The following PLEKHA6 variants were observed in gnomAD, a reference collection of about 807,000 sequenced individuals.
The protein encoded by PLEKHA6 is pleckstrin homology domain-containing family A member 6.
Under a neutral mutation model 116.7 loss-of-function variants are expected in PLEKHA6, and 60 were observed. The ratio of observed to expected loss-of-function variants is 0.51; its 90% confidence interval spans 0.42 to 0.64. The LOEUF is 0.64. Ranked by LOEUF, PLEKHA6 falls within the 30% of genes least tolerant of loss-of-function variation. The pLI, the probability that PLEKHA6 is intolerant of heterozygous loss-of-function variation, is 0.00. For synonymous variants in PLEKHA6, 489 were observed against 556.1 expected (o/e 0.88, Z 1.70); for missense variants, 1,338 against 1,422.7 (o/e 0.94, Z 0.96).
chr1:204,361,582 C>T (rs144366984), upstream of PLEKHA6, among the ~76,000 whole-genome samples: 20 of 152,234 alleles, frequency 1.3e-4, no homozygotes, highest in East Asian at 2.5e-3. Context: ...TCTTGGTCAC[C>T]TCCCACTGTT....
chr1:204,307,989 T>C, intron 1 of PLEKHA6: 1 of 681,118 alleles, frequency 1.5e-6, no homozygotes, highest in Non-Finnish European at 1.8e-6. Flanking sequence ...CGATTCTAGA[T>C]AACTGGGTCT....
At chr1:204,340,032 T>A (rs1159396704) in intron 1 of PLEKHA6, among the ~76,000 whole-genome samples, 1 of 152,246 alleles carries the variant, frequency 6.6e-6, no homozygotes, top group Non-Finnish European at 1.5e-5. Flanking sequence ...TAGGCAAAGT[T>A]AATTAAGCAT....
intron 1 of PLEKHA6, chr1:204,347,402 A>G (rs190871787): frequency 5.5e-6 from 3 of 549,100 alleles, no homozygotes; most frequent in East Asian, 6.4e-5. Context: ...CACTGCTGTT[A>G]TCCTGTTCTT....
chr1:204,308,687 CTTTTTTTTT>C (rs60251937), intron 1 of PLEKHA6, among the ~76,000 whole-genome samples: 3 of 81,404 alleles, frequency 3.7e-5, no homozygotes, highest in Admixed American at 1.8e-4. Flanking sequence ...TTTTCTTTTT[CTTTTTTTTT>C]TTTTTTTTTT....
chr1:204,275,241 C>A (rs549623172), intron 1 of PLEKHA6, among the ~76,000 whole-genome samples: 2 of 152,278 alleles, frequency 1.3e-5, no homozygotes, highest in East Asian at 1.9e-4. Flanking sequence ...AAAAAACTTT[C>A]TTGTGACCTT....
Position 204,304,337 on chromosome 1 carries a change from G to T in PLEKHA6, c.-94-29528C>A, listed in dbSNP as rs563956688. Reference sequence around the variant, plus strand: ...CCTGGAGGTAGAAACCTCTCACAAAGTAAGAATGGAGAAAGACTCAATATG... The same window carrying T: ...CCTGGAGGTAGAAACCTCTCACAAATTAAGAATGGAGAAAGACTCAATATG... On this transcript the variant is annotated intron_variant, in intron 1 of 22. Transcript: ENST00000272203. 3.3e-5 allele frequency among the ~76,000 whole-genome samples: 5 copies of T among 152,292 alleles called. No individual in the cohort carries two copies. The East Asian group carries it at 9.6e-4, about 29-fold the overall frequency.
intron 2 of PLEKHA6, 134 bp from the exon 3 acceptor site, chr1:204,273,874 G>A: frequency 1.5e-6 from 1 of 653,016 alleles, no homozygotes; most frequent in South Asian, 1.8e-5. Flanking sequence ...GTGCCATTGA[G>A]GGGTCACCTC....
intron 17 of PLEKHA6, among the ~76,000 whole-genome samples, chr1:204,231,646 C>T (rs1661195150): frequency 6.6e-6 from 1 of 150,646 alleles, no homozygotes; most frequent in Non-Finnish European, 1.5e-5. Flanking sequence ...TAGCTCACCA[C>T]AGCCTTGAAC....
intron 17 of PLEKHA6, among the ~76,000 whole-genome samples, chr1:204,233,542 TGATCCACCAGCCTC>T (rs962261693): frequency 6.6e-6 from 1 of 152,146 alleles, no homozygotes; most frequent in African/African-American, 2.4e-5. Flanking sequence ...GGTTTCACCA[TGATCCACCAGCCTC>T]GGCCTCCCAA....
chr1:204,324,915 T>A (rs1255455050), intron 1 of PLEKHA6, among the ~76,000 whole-genome samples: 3 of 151,948 alleles, frequency 2.0e-5, no homozygotes, highest in African/African-American at 4.8e-5. Flanking sequence ...CAGAATTTTA[T>A]TTATTTATTT....
intron 1 of PLEKHA6, 128 bp from the exon 2 acceptor site, chr1:204,274,937 CA>C: frequency 1.1e-6 from 1 of 885,126 alleles, no homozygotes; most frequent in Non-Finnish European, 1.3e-6. Context: ...CTCTGTCCTC[CA>C]GGGGGATCCA....
intron 9 of PLEKHA6, chr1:204,251,714 T>C: frequency 3.1e-6 from 2 of 640,146 alleles, no homozygotes; most frequent in East Asian, 2.8e-5. Flanking sequence ...GGAGGGCAGC[T>C]CCCCCAGCAC....
In PLEKHA6 at chr1:204,273,735, G is replaced by T; in HGVS notation, c.-8C>A. 1 of 1,606,752 alleles carries T rather than the reference G, an allele frequency of 6.2e-7. No homozygotes were observed. Among genetic ancestry groups the T allele is most frequent in the Non-Finnish European group, 8.5e-7 (1 of 1,173,248 alleles). On this transcript the variant is annotated 5_prime_UTR_variant, in exon 3 of 23. Transcript: ENST00000272203. ...ACCTGTTTTATTGGACATGTCCAAG[G>T]TCGATCTGATTTCAAGTCGACCAGA...
At chr1:204,275,202 T>TA (rs1037635386) in intron 1 of PLEKHA6, among the ~76,000 whole-genome samples, 2 of 151,048 alleles carry the variant, frequency 1.3e-5, no homozygotes, top group Admixed American at 6.6e-5. Flanking sequence ...GTGAGCCACA[T>TA]AAAAAAAAAG....
intron 9 of PLEKHA6, chr1:204,256,704 C>T (rs1665343383): frequency 4.5e-6 from 2 of 440,596 alleles, no homozygotes. Context: ...AGGCACTAGG[C>T]ACAGAGCGTC....
intron 1 of PLEKHA6, among the ~76,000 whole-genome samples, chr1:204,335,804 T>A (rs969003532): frequency 1.3e-5 from 2 of 152,092 alleles, no homozygotes; most frequent in African/African-American, 2.4e-5. Flanking sequence ...AGTGTCCATG[T>A]GGCATGGGCA....
chr1:204,223,389 T>C lies in PLEKHA6; in HGVS notation c.*8+73A>G. 5.2e-6 allele frequency: 4 copies of C among 768,042 alleles called. No homozygotes were observed. In the Admixed American group the frequency reaches 8.0e-5, roughly 15 times the overall value. 47.6% of individuals were successfully genotyped at this position (768,042 alleles called of 1,614,324 possible). On this transcript the variant is annotated intron_variant, in intron 22 of 22. Coordinates refer to ENST00000272203, the MANE Select transcript of PLEKHA6 (RefSeq NM_014935.5). The surrounding 1 kb of genome is among the most constrained non-coding windows in gnomAD (Gnocchi z 4.8). ...GAAGCAATACCAAAATGAGAGGGCA[T>C]AGATGGCTCAATGGGGGTGAAGGAA...
intron 1 of PLEKHA6, among the ~76,000 whole-genome samples, chr1:204,349,540 CAAAAA>C (rs11403796): frequency 8.7e-6 from 1 of 115,218 alleles, no homozygotes; most frequent in Admixed American, 9.4e-5. Context: ...GACTCCATCT[CAAAAA>C]AAAAAAAAAA....
intron 1 of PLEKHA6, among the ~76,000 whole-genome samples, chr1:204,322,378 C>G (rs1486222643): frequency 6.6e-6 from 1 of 152,180 alleles, no homozygotes; most frequent in Non-Finnish European, 1.5e-5. Flanking sequence ...GCTGCCCCGG[C>G]ATCCTTCTGG....
Sources: gnomAD v4.1 joint callset for allele counts (sites outside exome capture counted in the v4.1 genomes callset) on GRCh38, gnomAD v4.1.1 for gene constraint, Gnocchi (gnomAD v3.1) non-coding constraint, MANE v1.5 for transcripts, NCBI Gene and HGNC (gene_info 2026-07-23, HGNC 2026-07-21) for gene names.